TMEM178B: variants seen among roughly 807,000 people sequenced by gnomAD.
The protein encoded by TMEM178B is transmembrane protein 178B.
TMEM178B carries 5 observed loss-of-function variants against 31.0 expected under a neutral mutation model. The ratio of observed to expected loss-of-function variants is 0.16; its 90% CI spans 0.08 to 0.34. TMEM178B has a LOEUF of 0.34. TMEM178B is among the 10% of genes least tolerant of loss of function. TMEM178B has a pLI of 1.00. For synonymous variants in TMEM178B, 164 were observed against 164.0 expected, an observed-to-expected ratio of 1.00 and a Z score of 0.00; for missense variants, 275 against 400.3, an observed-to-expected ratio of 0.69 and a Z score of 2.67.
chr7:141,074,706 G>T lies in TMEM178B; in HGVS notation c.382+14G>T. ...TCATTCGGAAAGGTAAGCGCCGGGC[G>T]CAAGGCGTGGCGCTGCGGAGAGCCC... On this transcript the variant is annotated intron_variant, in intron 1 of 3. Coordinates refer to ENST00000565468, the MANE Select transcript of TMEM178B (RefSeq NM_001195278.2). The surrounding 1 kb of genome is among the most constrained non-coding windows in gnomAD (Gnocchi z 5.1). 7 of 1,469,446 alleles carry T rather than the reference G, an allele frequency of 4.8e-6. No individual in the cohort carries two copies. The highest frequency in any genetic ancestry group is 5.4e-6 in the Non-Finnish European group (6 of 1,114,080). The allele number at this position is 1,469,446 out of a possible 1,614,324, so 91.0% of individuals were successfully genotyped here. A position where few individuals can be genotyped will look rare whatever the true frequency, so the allele number is the denominator to read the frequency against.
In TMEM178B at chr7:141,315,669, T is replaced by G. The variant is rs576629850; in HGVS notation, c.496+102965T>G. 9.8e-5 allele frequency among the ~76,000 whole-genome samples: 15 copies of G among 152,338 alleles called. No homozygotes were observed. In the South Asian group the frequency reaches 3.1e-3, roughly 32 times the overall value. ...TTTTTCCCTTTTCATTTACATGTTT[T>G]AAGGCCCTGACGTGATTATAAGCTC... On this transcript the variant is annotated intron_variant, in intron 2 of 3. Coordinates refer to ENST00000565468, the MANE Select transcript of TMEM178B (RefSeq NM_001195278.2).
intron 1 of TMEM178B, among the ~76,000 whole-genome samples, chr7:141,162,621 C>A (rs143413562): frequency 6.6e-6 from 1 of 152,168 alleles, no homozygotes; most frequent in South Asian, 2.1e-4. Flanking sequence ...ATCTCAGTCC[C>A]ATGGTACCAA....
At chr7:141,133,414 C>G (rs1474882445) in intron 1 of TMEM178B, among the ~76,000 whole-genome samples, 1 of 151,948 alleles carries the variant, frequency 6.6e-6, no homozygotes, top group Non-Finnish European at 1.5e-5. Context: ...AAACAGACAT[C>G]CCATAACTGA....
intron 1 of TMEM178B, among the ~76,000 whole-genome samples, chr7:141,104,509 T>C (rs1445336632): frequency 3.3e-5 from 5 of 152,256 alleles, no homozygotes; most frequent in Admixed American, 3.3e-4. Flanking sequence ...GCTCTGTCTC[T>C]GCCCTCTCAG....
intron 1 of TMEM178B, among the ~76,000 whole-genome samples, chr7:141,075,288 A>G (rs1435648650): frequency 6.6e-6 from 1 of 152,218 alleles, no homozygotes; most frequent in Non-Finnish European, 1.5e-5. Flanking sequence ...TCCTTCTGAA[A>G]CAGTGGTTGA....
At chr7:141,325,000 G>C (rs1799164456) in intron 2 of TMEM178B, among the ~76,000 whole-genome samples, 1 of 152,100 alleles carries the variant, frequency 6.6e-6, no homozygotes, top group East Asian at 1.9e-4. Context: ...CAGGTGGAGA[G>C]TAAGTGTGAG....
chr7:141,433,551 G>A (rs74785948), intron 2 of TMEM178B, among the ~76,000 whole-genome samples: 12,831 of 152,164 alleles, frequency 0.084, 809 homozygotes, highest in East Asian at 0.15. Flanking sequence ...GTCTGGCTTG[G>A]TTTAGGAGGA....
intron 1 of TMEM178B, among the ~76,000 whole-genome samples, chr7:141,136,506 A>C (rs1352411898): frequency 5.9e-5 from 9 of 152,230 alleles, no homozygotes; most frequent in Non-Finnish European, 1.5e-5. Context: ...GCAACAAAAC[A>C]AAACCAAAAA....
chr7:141,275,802 ACTTAAT>A (rs1388459534), intron 2 of TMEM178B, among the ~76,000 whole-genome samples: 3 of 152,210 alleles, frequency 2.0e-5, no homozygotes, highest in Non-Finnish European at 4.4e-5. Context: ...ATTCATTATC[ACTTAAT>A]CAATGACAGA....
chr7:141,090,186 T>A (rs75718967), intron 1 of TMEM178B, among the ~76,000 whole-genome samples: 4,144 of 152,148 alleles, frequency 0.027, 62 homozygotes, highest in South Asian at 0.046. Context: ...TTAAATTTTT[T>A]AAAAAAATTT....
chr7:141,152,601 A>G (rs757916309), intron 1 of TMEM178B, among the ~76,000 whole-genome samples: 15 of 152,118 alleles, frequency 9.9e-5, no homozygotes, highest in South Asian at 2.1e-4. Context: ...TTTTTCTGAG[A>G]TAGCATTGTG....
intron 2 of TMEM178B, among the ~76,000 whole-genome samples, chr7:141,419,006 C>T (rs979000803): frequency 2.2e-4 from 33 of 152,178 alleles, no homozygotes; most frequent in Admixed American, 2.2e-3. Context: ...CTCCCAGGTA[C>T]AAGTGATTAT....
chr7:141,150,299 G>C (rs564697969), intron 1 of TMEM178B, among the ~76,000 whole-genome samples: 48 of 152,236 alleles, frequency 3.2e-4, no homozygotes, highest in Non-Finnish European at 5.4e-4. Flanking sequence ...TTCCAATGTC[G>C]GATATTCTTG....
intron 2 of TMEM178B, among the ~76,000 whole-genome samples, chr7:141,256,229 A>T (rs1365774486): frequency 6.6e-6 from 1 of 152,238 alleles, no homozygotes; most frequent in Non-Finnish European, 1.5e-5. Flanking sequence ...TAAATAGAAG[A>T]CCATAAACAA....
chr7:141,342,983 CTGTA>C (rs1320167780), intron 2 of TMEM178B, among the ~76,000 whole-genome samples: 10 of 152,212 alleles, frequency 6.6e-5, no homozygotes, highest in African/African-American at 2.4e-4. Flanking sequence ...CAAACTTTAG[CTGTA>C]TGGGACTCAC....
At chr7:141,454,641 A>G (rs1801930190) in intron 3 of TMEM178B, among the ~76,000 whole-genome samples, 1 of 139,598 alleles carries the variant, frequency 7.2e-6, no homozygotes, top group Non-Finnish European at 1.5e-5. Flanking sequence ...CTCACCCACC[A>G]ATATGAGTCA....
chr7:141,383,198 A>G (rs1251123705), intron 2 of TMEM178B, among the ~76,000 whole-genome samples: 1 of 152,118 alleles, frequency 6.6e-6, no homozygotes, highest in Non-Finnish European at 1.5e-5. Flanking sequence ...TTAATAAACA[A>G]GAAAACAGAG....
chr7:141,442,479 C>T (rs754626291), intron 3 of TMEM178B, among the ~76,000 whole-genome samples: 14 of 149,424 alleles, frequency 9.4e-5, no homozygotes, highest in Admixed American at 2.0e-4. Flanking sequence ...GAACTCCTTA[C>T]ACCTCTTTAG....
intron 1 of TMEM178B, among the ~76,000 whole-genome samples, chr7:141,093,260 A>C (rs1286978345): frequency 6.6e-6 from 1 of 152,200 alleles, no homozygotes; most frequent in African/African-American, 2.4e-5. Flanking sequence ...TTTTGAATGG[A>C]AAGTTATCAG....
Sources: gnomAD v4.1 joint callset for allele counts (sites outside exome capture counted in the v4.1 genomes callset) on GRCh38, gnomAD v4.1.1 for gene constraint, Gnocchi (gnomAD v3.1) non-coding constraint, MANE v1.5 for transcripts, NCBI Gene and HGNC (gene_info 2026-07-23, HGNC 2026-07-21) for gene names.